The following COQ5 variants were observed in gnomAD, a reference collection of about 807,000 sequenced individuals.
The protein encoded by COQ5 is 2-methoxy-6-polyprenyl-1,4-benzoquinol methylase, mitochondrial.
In COQ5, 27 loss-of-function variants were observed where a neutral mutation model predicts 40.5. That is an observed-to-expected ratio of 0.67 (90% CI 0.49 to 0.92). The LOEUF is 0.92. Among genes scored for constraint, COQ5 ranks in the 40% least tolerant of loss-of-function variants. The pLI, the probability that COQ5 is intolerant of heterozygous loss-of-function variation, is 0.00. For synonymous variants in COQ5, 141 were observed against 150.0 expected (o/e 0.94, Z 0.44); for missense variants, 409 against 406.4 (o/e 1.01, Z -0.06).
At chr12:120,523,754 A>G in intron 1 of COQ5, 1 of 230,742 alleles carries the variant, frequency 4.3e-6, no homozygotes. Context: ...TCTTGCCTGT[A>G]ATCCTAGCAC....
At chr12:120,507,774 C>A (rs1349973173) in intron 4 of COQ5, among the ~76,000 whole-genome samples, 2 of 148,148 alleles carry the variant, frequency 1.3e-5, no homozygotes, top group African/African-American at 4.9e-5. Context: ...ATAACCCCAG[C>A]TACTTGGGAG....
chr12:120,517,133 G>C (rs1396839515), intron 2 of COQ5, among the ~76,000 whole-genome samples: 1 of 152,000 alleles, frequency 6.6e-6, no homozygotes, highest in Non-Finnish European at 1.5e-5. Flanking sequence ...GATCACCTGA[G>C]GTCAGGAGTC....
At chr12:120,512,795 C>T (rs1396032875) in intron 3 of COQ5, among the ~76,000 whole-genome samples, 2 of 152,062 alleles carry the variant, frequency 1.3e-5, no homozygotes, top group Non-Finnish European at 2.9e-5. Context: ...CGATAGCCCA[C>T]ACCTGCAATC....
chr12:120,521,775 C>T (rs949896055), intron 2 of COQ5, among the ~76,000 whole-genome samples: 1 of 151,768 alleles, frequency 6.6e-6, no homozygotes, highest in Non-Finnish European at 1.5e-5. Flanking sequence ...GGCAGGCAGA[C>T]TGCCTGAACT....
intron 3 of COQ5, among the ~76,000 whole-genome samples, chr12:120,514,558 T>G (rs1195706833): frequency 1.3e-5 from 2 of 151,576 alleles, no homozygotes; most frequent in Non-Finnish European, 2.9e-5. Flanking sequence ...CTGGCCAACA[T>G]AGTGAAACCC....
intron 3 of COQ5, among the ~76,000 whole-genome samples, chr12:120,512,076 G>C (rs2137082286): frequency 6.6e-6 from 1 of 152,224 alleles, no homozygotes; most frequent in Admixed American, 6.5e-5. Flanking sequence ...CAGACGTGGT[G>C]GTGGGTGCCT....
intron 3 of COQ5, among the ~76,000 whole-genome samples, chr12:120,511,854 G>T (rs765923030): frequency 3.3e-5 from 5 of 152,158 alleles, no homozygotes; most frequent in Non-Finnish European, 5.9e-5. Context: ...GGGAAAAAAA[G>T]AATTCTCAAT....
rs369700599 is a variant in COQ5 at position 120,503,490 on chromosome 12, G to C, written c.*294C>G. The C allele has an allele frequency of 1.9e-6, 1 of 534,560 alleles. No homozygotes were observed. Among genetic ancestry groups the C allele is most frequent in the African/African-American group, 1.9e-5 (1 of 53,036 alleles). The allele number at this position is 534,560 out of a possible 1,614,324, so 33.1% of individuals were successfully genotyped here. ...ATAAATACACTCACTTCAAAACTGA[G>C]CTTTAGGGGTGGTTGTACCTTAACC... On this transcript the variant is annotated 3_prime_UTR_variant, in exon 7 of 7. Transcript: ENST00000288532.
At chr12:120,504,559 A>ATTT (rs11385536) in intron 5 of COQ5, 76 of 264,144 alleles carry the variant, frequency 2.9e-4, no homozygotes, top group South Asian at 7.6e-4. Context: ...AAATTTCCTG[A>ATTT]TTTTTTTTTT....
rs183347864 is a variant in COQ5, at chr12:120,523,301, C to T, written c.203-938G>A. Reference sequence around the variant, plus strand: ...GCAGTGAGCCGAGATGGCGCCACTGCACTCCCGCCTGGGCCACAGAGCGAG... The same window carrying T: ...GCAGTGAGCCGAGATGGCGCCACTGTACTCCCGCCTGGGCCACAGAGCGAG... On this transcript the variant is annotated intron_variant, in intron 1 of 6. Transcript: ENST00000288532. 6.0e-4 allele frequency: 146 copies of T among 242,438 alleles called. 1 individual carries two copies. The highest frequency in any genetic ancestry group is 3.0e-3 in the African/African-American group (132 of 43,538). The allele number at this position is 242,438 out of a possible 1,614,324, so 15.0% of individuals were successfully genotyped here. A position where few individuals can be genotyped will look rare whatever the true frequency, so the allele number is the denominator to read the frequency against.
chr12:120,522,671 G>A (rs73225225), intron 1 of COQ5: 35,836 of 655,198 alleles, frequency 0.055, 1,323 homozygotes, highest in South Asian at 0.1. Context: ...CTACTCTGAA[G>A]CCTTCGTAGG....
chr12:120,505,459 C>T (rs1868838588), intron 4 of COQ5, among the ~76,000 whole-genome samples: 1 of 152,026 alleles, frequency 6.6e-6, no homozygotes, highest in Non-Finnish European at 1.5e-5. Context: ...GTGATCTCAG[C>T]TCACTGCAAC....
chr12:120,523,645 G>A (rs1281523680), intron 1 of COQ5, among the ~76,000 whole-genome samples: 1 of 152,144 alleles, frequency 6.6e-6, no homozygotes, highest in Non-Finnish European at 1.5e-5. Flanking sequence ...AGATGTTTCT[G>A]TTTCTTAAAG....
At chr12:120,522,510 C>CA in intron 1 of COQ5, 147 bp from the exon 2 acceptor site, 2 of 747,782 alleles carry the variant, frequency 2.7e-6, no homozygotes, top group South Asian at 3.0e-5. Context: ...CCCAAATCTA[C>CA]ACCTTAACAT....
At position 120,522,360 on chromosome 12, in the gene COQ5, T is replaced by TA. The variant is rs1424465719; in HGVS notation, c.205dup (p.Tyr69LeufsTer5). ...CTTAGCCACACTTTCAAACACCTGA[T>TA]AGACTGACATGGGAGAAACACACAC... On this transcript the variant is annotated frameshift_variant, in exon 2 of 7. Transcript: ENST00000288532. LOFTEE classifies it high-confidence loss of function. 49 of 1,613,170 alleles carry TA rather than the reference T, an allele frequency of 3.0e-5. No individual in the cohort carries two copies. The highest frequency in any genetic ancestry group is 4.1e-5 in the Non-Finnish European group (48 of 1,179,262).
rs149178772 is a variant in COQ5 at position 120,525,422 on chromosome 12, G to A, written c.203-3059C>T. Among the ~76,000 whole-genome samples, 520 of 152,184 alleles carry A rather than the reference G, an allele frequency of 3.4e-3. 2 individuals carry two copies. Among genetic ancestry groups the A allele is most frequent in the Admixed American group, 6.2e-3 (95 of 15,264 alleles). ...TGCTCTTTTGAGCATCTTTTGGGGT[G>A]TCTGGGGGACACTAAGGCTAACCCC... On this transcript the variant is annotated intron_variant, in intron 1 of 6. Transcript: ENST00000288532.
At chr12:120,521,737 C>T (rs1335724684) in intron 2 of COQ5, among the ~76,000 whole-genome samples, 1 of 151,614 alleles carries the variant, frequency 6.6e-6, no homozygotes, top group Non-Finnish European at 1.5e-5. Flanking sequence ...AGGTTCATGC[C>T]TGTAATCCCA....
chr12:120,528,277 G>A (rs1439245872), intron 1 of COQ5, among the ~76,000 whole-genome samples: 1 of 151,908 alleles, frequency 6.6e-6, no homozygotes, highest in Non-Finnish European at 1.5e-5. Context: ...GGTAAAGAAC[G>A]GGGGCTTCAG....
chr12:120,519,597 G>A (rs796199980), intron 2 of COQ5, among the ~76,000 whole-genome samples: 16 of 151,972 alleles, frequency 1.1e-4, no homozygotes, highest in African/African-American at 3.4e-4. Context: ...TCCGCCAGGC[G>A]TGATGGCTCA....
Sources: gnomAD v4.1 joint callset for allele counts (sites outside exome capture counted in the v4.1 genomes callset) on GRCh38, gnomAD v4.1.1 for gene constraint, MANE v1.5 for transcripts, NCBI Gene and HGNC (gene_info 2026-07-23, HGNC 2026-07-21) for gene names.